Variants in KCNMB2 observed in about 807,000 individuals in gnomAD.
KCNMB2 encodes calcium-activated potassium channel subunit beta-2.
KCNMB2 carries 9 observed loss-of-function variants against 24.5 expected under a neutral mutation model. The ratio of observed to expected loss-of-function variants is 0.37; its 90% CI spans 0.22 to 0.64. The LOEUF (loss-of-function observed/expected upper bound fraction) is 0.64, where lower values mean the gene tolerates loss of function less well. KCNMB2 is among the 30% of genes least tolerant of loss of function. KCNMB2 has a pLI of 0.63. For synonymous variants in KCNMB2, 109 were observed against 104.4 expected (o/e 1.04, Z -0.27); for missense variants, 226 against 284.3 (o/e 0.79, Z 1.47).
chr3:178,573,821 G>A (rs1447728243), intron 1 of KCNMB2, among the ~76,000 whole-genome samples: 1 of 150,168 alleles, frequency 6.7e-6, no homozygotes. Flanking sequence ...AGCAATATGA[G>A]AGATAAACTG....
intron 1 of KCNMB2, among the ~76,000 whole-genome samples, chr3:178,755,653 T>C (rs955190674): frequency 3.9e-5 from 6 of 152,220 alleles, no homozygotes; most frequent in Admixed American, 1.3e-4. Context: ...TTTTGACATT[T>C]CCTAGGCTAT....
At chr3:178,670,135 C>T (rs1720851421) in intron 1 of KCNMB2, among the ~76,000 whole-genome samples, 1 of 152,154 alleles carries the variant, frequency 6.6e-6, no homozygotes, top group African/African-American at 2.4e-5. Context: ...AGCATCATCA[C>T]TGCCAATAAA....
intron 1 of KCNMB2, among the ~76,000 whole-genome samples, chr3:178,670,450 G>A (rs1720863292): frequency 6.6e-6 from 1 of 152,136 alleles, no homozygotes; most frequent in Non-Finnish European, 1.5e-5. Context: ...AATAACAACA[G>A]TAATTAACAC....
chr3:178,739,809 A>G (rs923908545), intron 1 of KCNMB2, among the ~76,000 whole-genome samples: 2 of 152,164 alleles, frequency 1.3e-5, no homozygotes, highest in African/African-American at 4.8e-5. Flanking sequence ...AAGGGAATAT[A>G]TAAAACTTCT....
At chr3:178,722,218 G>A (rs1577125881) in intron 1 of KCNMB2, among the ~76,000 whole-genome samples, 1 of 152,252 alleles carries the variant, frequency 6.6e-6, no homozygotes. Flanking sequence ...AAGGGGGTAT[G>A]AGGTTTAAAA....
chr3:178,653,984 T>A (rs147548454), intron 1 of KCNMB2, among the ~76,000 whole-genome samples: 1 of 152,230 alleles, frequency 6.6e-6, no homozygotes, highest in East Asian at 1.9e-4. Context: ...TACCATTTCT[T>A]GCAAGTTTGA....
intron 1 of KCNMB2, among the ~76,000 whole-genome samples, chr3:178,636,422 A>G (rs185585429): frequency 6.8e-4 from 104 of 152,374 alleles, no homozygotes; most frequent in Admixed American, 1.3e-3. Flanking sequence ...AGTAAGAGGC[A>G]CAAGTAACAT....
intron 1 of KCNMB2, among the ~76,000 whole-genome samples, chr3:178,661,121 A>T (rs1720512525): frequency 1.3e-5 from 2 of 151,976 alleles, no homozygotes; most frequent in African/African-American, 4.8e-5. Flanking sequence ...ATTTCTCCTA[A>T]TGCTGTCCCT....
At chr3:178,768,841 TA>T (rs562551972) in intron 1 of KCNMB2, among the ~76,000 whole-genome samples, 141 of 152,182 alleles carry the variant, frequency 9.3e-4, no homozygotes, top group African/African-American at 3.3e-3. Context: ...ACAGAGCAAA[TA>T]AAAAACCAAG....
intron 1 of KCNMB2, among the ~76,000 whole-genome samples, chr3:178,688,697 T>C (rs1405815866): frequency 6.6e-6 from 1 of 152,226 alleles, no homozygotes; most frequent in Non-Finnish European, 1.5e-5. Flanking sequence ...TGCTTTTTTT[T>C]TAACCATTGA....
At chr3:178,778,306 C>T (rs564608996) in intron 1 of KCNMB2, among the ~76,000 whole-genome samples, 3 of 152,010 alleles carry the variant, frequency 2.0e-5, no homozygotes, top group South Asian at 2.1e-4. Flanking sequence ...CTACTATGTA[C>T]CAATAATAAT....
At chr3:178,551,336 A>C (rs553734906) in intron 1 of KCNMB2, among the ~76,000 whole-genome samples, 1 of 152,302 alleles carries the variant, frequency 6.6e-6, no homozygotes, top group Admixed American at 6.5e-5. Flanking sequence ...CACCATCCCC[A>C]TTTAGGACAG....
At chr3:178,797,248 C>T in intron 1 of KCNMB2, among the ~76,000 whole-genome samples, 1 of 152,104 alleles carries the variant, frequency 6.6e-6, no homozygotes. Context: ...TAATAAAAAG[C>T]TTCCTGCAAA....
At chr3:178,819,693 A>ATTTGGTT (rs1714551798) in intron 2 of KCNMB2, among the ~76,000 whole-genome samples, 1 of 152,204 alleles carries the variant, frequency 6.6e-6, no homozygotes, top group East Asian at 1.9e-4. Context: ...GTCAAGAAAC[A>ATTTGGTT]AATTTTGGTT....
intron 1 of KCNMB2, among the ~76,000 whole-genome samples, chr3:178,635,231 T>C (rs1043813995): frequency 2.6e-5 from 4 of 152,118 alleles, no homozygotes; most frequent in African/African-American, 9.7e-5. Context: ...ACCAACCTGC[T>C]TGAACTAAGA....
intron 1 of KCNMB2, among the ~76,000 whole-genome samples, chr3:178,803,495 C>G (rs764942563): frequency 6.6e-6 from 1 of 152,182 alleles, no homozygotes; most frequent in South Asian, 2.1e-4. Flanking sequence ...CAAAGTCATA[C>G]TAATGGCCAC....
intron 1 of KCNMB2, among the ~76,000 whole-genome samples, chr3:178,594,042 C>A (rs1219616417): frequency 6.6e-6 from 1 of 151,698 alleles, no homozygotes; most frequent in Non-Finnish European, 1.5e-5. Flanking sequence ...CCTCTTCCCT[C>A]CCTCCCTCCT....
At chr3:178,695,137 G>C (rs548116815) in intron 1 of KCNMB2, among the ~76,000 whole-genome samples, 2 of 152,380 alleles carry the variant, frequency 1.3e-5, no homozygotes, top group African/African-American at 2.4e-5. Flanking sequence ...GAAGTTGCCA[G>C]GGCTTGGGGT....
At chr3:178,813,296 A>C (rs1714269166) in intron 2 of KCNMB2, among the ~76,000 whole-genome samples, 1 of 152,004 alleles carries the variant, frequency 6.6e-6, no homozygotes, top group Non-Finnish European at 1.5e-5. Context: ...TTTATTCATG[A>C]ATTATATCAT....
Sources: gnomAD v4.1 joint callset for allele counts (sites outside exome capture counted in the v4.1 genomes callset) on GRCh38, gnomAD v4.1.1 for gene constraint, MANE v1.5 for transcripts, NCBI Gene and HGNC (gene_info 2026-07-23, HGNC 2026-07-21) for gene names.